TCF7L2: variants seen among roughly 807,000 people sequenced by gnomAD.
The protein encoded by TCF7L2 is transcription factor 7 like 2.
A neutral mutation model predicts 77.9 loss-of-function variants in TCF7L2; 23 were observed. The observed-to-expected ratio is 0.30, with a 90% CI of 0.21 to 0.42. The LOEUF is 0.42. Ranked by LOEUF, TCF7L2 falls within the 10% of genes least tolerant of loss-of-function variation. The pLI, the probability that TCF7L2 is intolerant of heterozygous loss-of-function variation, is 1.00. For synonymous variants in TCF7L2, 413 were observed against 340.2 expected, an observed-to-expected ratio of 1.21 and a Z score of -2.36; for missense variants, 654 against 793.1, an observed-to-expected ratio of 0.82 and a Z score of 2.11.
rs1046612639 is a variant in TCF7L2, at chr10:113,167,034, C to T, written c.*1062C>T. 1.7e-5 allele frequency: 4 copies of T among 231,512 alleles called. No individual in the cohort carries two copies. Among genetic ancestry groups the T allele is most frequent in the African/African-American group, 2.2e-5 (1 of 45,258 alleles). The allele number at this position is 231,512 out of a possible 1,614,324, so 14.3% of individuals were successfully genotyped here. ...CCCAGTGGGATGCCCTACCCTGCGCCCTTAGGACCCGGACTGACCGTGTAC... is the reference window on the plus strand; with the variant it reads ...CCCAGTGGGATGCCCTACCCTGCGCTCTTAGGACCCGGACTGACCGTGTAC... On this transcript the variant is annotated 3_prime_UTR_variant, in exon 14 of 14. Coordinates refer to ENST00000627217, the MANE Select transcript of TCF7L2 (RefSeq NM_001146274.2).
At chr10:112,953,297 G>T (rs150183881) in intron 3 of TCF7L2, among the ~76,000 whole-genome samples, 1 of 152,134 alleles carries the variant, frequency 6.6e-6, no homozygotes, top group Non-Finnish European at 1.5e-5. Flanking sequence ...TGGGAGAGCG[G>T]TTCGGCTCAA....
At chr10:113,086,542 GTGTAAACTTT>G (rs1380874120) in intron 5 of TCF7L2, among the ~76,000 whole-genome samples, 1 of 152,200 alleles carries the variant, frequency 6.6e-6, no homozygotes, top group Admixed American at 6.5e-5. Flanking sequence ...AGCTTGGACT[GTGTAAACTTT>G]CCCACTTCTG....
chr10:113,014,479 G>A (rs570957006), intron 4 of TCF7L2, among the ~76,000 whole-genome samples: 1 of 152,318 alleles, frequency 6.6e-6, no homozygotes, highest in Non-Finnish European at 1.5e-5. Context: ...AGGAAGCCCA[G>A]TGCTAATCCT....
At chr10:113,016,063 AT>A (rs60051883) in intron 4 of TCF7L2, among the ~76,000 whole-genome samples, 57,549 of 144,222 alleles carry the variant, frequency 0.4, 12,859 homozygotes, top group African/African-American at 0.63. Context: ...TGCTTGGTGT[AT>A]TTTTTTTTTT....
chr10:113,158,542 T>C, intron 12 of TCF7L2, 125 bp from the exon 13 acceptor site: 1 of 922,932 alleles, frequency 1.1e-6, no homozygotes, highest in East Asian at 2.5e-5. Flanking sequence ...AGGTTTGTCA[T>C]TCTCTAGAAG....
intron 4 of TCF7L2, among the ~76,000 whole-genome samples, chr10:112,972,196 G>A (rs960385116): frequency 2.6e-5 from 4 of 152,204 alleles, no homozygotes; most frequent in Admixed American, 6.5e-5. Context: ...GGCTGGCTAA[G>A]TACTACATTG....
chr10:113,160,295 G>C (rs1162376923), intron 12 of TCF7L2, among the ~76,000 whole-genome samples: 2 of 151,904 alleles, frequency 1.3e-5, no homozygotes, highest in Non-Finnish European at 2.9e-5. Flanking sequence ...TGACAGCCCA[G>C]GATCGGAATC....
rs1402109817 is a variant in TCF7L2, at chr10:113,128,353, TG to T, written c.553-12830del. ...TTTAAGCCTGCCCAGCCCTTGTTTTTGTTGATTTTTTTGGTGGGGAGCGGCG... is the reference window on the plus strand; with the variant it reads ...TTTAAGCCTGCCCAGCCCTTGTTTTTTTGATTTTTTTGGTGGGGAGCGGCG... On this transcript the variant is annotated intron_variant, in intron 5 of 13. Coordinates refer to ENST00000627217, the MANE Select transcript of TCF7L2 (RefSeq NM_001146274.2). 2.0e-5 allele frequency among the ~76,000 whole-genome samples: 3 copies of T among 152,196 alleles called. No homozygotes were observed. In the South Asian group the frequency reaches 6.2e-4, roughly 32 times the overall value.
intron 5 of TCF7L2, among the ~76,000 whole-genome samples, chr10:113,053,391 T>C (rs1466461104): frequency 6.6e-6 from 1 of 152,162 alleles, no homozygotes; most frequent in East Asian, 1.9e-4. Context: ...CTGCTGGATA[T>C]GTAGCAAGGG....
At chr10:113,057,406 G>T (rs2055584724) in intron 5 of TCF7L2, among the ~76,000 whole-genome samples, 1 of 152,144 alleles carries the variant, frequency 6.6e-6, no homozygotes, top group Non-Finnish European at 1.5e-5. Context: ...CCTGACCTCA[G>T]GTGATCTGCC....
intron 5 of TCF7L2, among the ~76,000 whole-genome samples, chr10:113,132,734 A>AT (rs1283671536): frequency 1.3e-5 from 2 of 152,174 alleles, no homozygotes; most frequent in Non-Finnish European, 2.9e-5. Context: ...AACAAGATTG[A>AT]TTATGTTAAC....
At chr10:113,002,621 T>A (rs1376894822) in intron 4 of TCF7L2, among the ~76,000 whole-genome samples, 1 of 152,144 alleles carries the variant, frequency 6.6e-6, no homozygotes, top group Non-Finnish European at 1.5e-5. Context: ...GGGGGATGCT[T>A]ATCTATGCCC....
chr10:113,079,351 G>A (rs1488119057), intron 5 of TCF7L2, among the ~76,000 whole-genome samples: 1 of 152,158 alleles, frequency 6.6e-6, no homozygotes, highest in Non-Finnish European at 1.5e-5. Context: ...GTGGCCACAC[G>A]GAGAGCTGCT....
chr10:113,165,046 AAC>A (rs753833182), intron 13 of TCF7L2, among the ~76,000 whole-genome samples: 13 of 151,128 alleles, frequency 8.6e-5, no homozygotes, highest in Admixed American at 7.2e-4. Context: ...TTCTCTTTTA[AAC>A]ACACACACAC....
At position 113,166,832 on chromosome 10, in the gene TCF7L2, T is replaced by TC. The variant is rs2074062548; in HGVS notation, c.*861dup. On this transcript the variant is annotated 3_prime_UTR_variant, in exon 14 of 14. Transcript: ENST00000627217. Reference sequence around the variant, plus strand: ...GTTTCCCCTTTTTGACTTTTTTTTTTCTGTATGAAACCCAGATGTCACCAA... The same window carrying TC: ...GTTTCCCCTTTTTGACTTTTTTTTTTCCTGTATGAAACCCAGATGTCACCAA... 1 of 228,932 alleles carries TC rather than the reference T, an allele frequency of 4.4e-6. No homozygotes were observed. The highest frequency in any genetic ancestry group is 8.7e-6 in the Non-Finnish European group (1 of 115,496). 14.2% of individuals were successfully genotyped at this position (228,932 alleles called of 1,614,324 possible). A position where few individuals can be genotyped will look rare whatever the true frequency, so the allele number is the denominator to read the frequency against.
In TCF7L2 at chr10:113,144,134, GTGTA is replaced by G. The variant is rs1309400147; in HGVS notation, c.788+113_788+116del. 373 of 688,302 alleles carry G rather than the reference GTGTA, an allele frequency of 5.4e-4. 1 individual carries two copies. The African/African-American group carries it at 5.6e-3, about 10-fold the overall frequency. The allele number at this position is 688,302 out of a possible 1,614,324, so 42.6% of individuals were successfully genotyped here. A position where few individuals can be genotyped will look rare whatever the true frequency, so the allele number is the denominator to read the frequency against. ...TGTGTGTGTGTGTGTGTGTGTGTGTGTGTATGTGTGTGTGTTAGAAGCCAGGGTT... is the reference window on the plus strand; with the variant it reads ...TGTGTGTGTGTGTGTGTGTGTGTGTGTGTGTGTGTGTTAGAAGCCAGGGTT... On this transcript the variant is annotated intron_variant, in intron 7 of 13. Transcript: ENST00000627217.
intron 5 of TCF7L2, among the ~76,000 whole-genome samples, chr10:113,059,166 T>C (rs1183377724): frequency 6.6e-6 from 1 of 152,172 alleles, no homozygotes; most frequent in Non-Finnish European, 1.5e-5. Flanking sequence ...TTTTTGAACC[T>C]GAAGTTTGGG....
intron 5 of TCF7L2, among the ~76,000 whole-genome samples, chr10:113,049,964 A>G (rs934485418): frequency 2.0e-5 from 3 of 152,090 alleles, no homozygotes; most frequent in Non-Finnish European, 4.4e-5. Context: ...GATGTTTTCA[A>G]TGTTGTATCC....
At chr10:113,129,589 G>T (rs993279404) in intron 5 of TCF7L2, 1 of 1,104,338 alleles carries the variant, frequency 9.1e-7, no homozygotes. Context: ...AGGGATGTGT[G>T]TACAGGGGGA....
Sources: gnomAD v4.1 joint callset for allele counts (sites outside exome capture counted in the v4.1 genomes callset) on GRCh38, gnomAD v4.1.1 for gene constraint, MANE v1.5 for transcripts, NCBI Gene and HGNC (gene_info 2026-07-23, HGNC 2026-07-21) for gene names.